ITFG1: variants seen among roughly 807,000 people sequenced by gnomAD.
The protein encoded by ITFG1 is integrin alpha FG-GAP repeat containing 1, also known as T-cell immunomodulatory protein.
ITFG1 carries 34 observed loss-of-function variants against 81.8 expected under a neutral mutation model. That is an observed-to-expected ratio of 0.42 (90% CI 0.32 to 0.55). ITFG1 has a LOEUF of 0.55. ITFG1 is among the 20% of genes least tolerant of loss of function. The pLI, the probability that ITFG1 is intolerant of heterozygous loss-of-function variation, is 0.17. For missense variants in ITFG1, 672 were observed against 755.4 expected (o/e 0.89, Z 1.29); for synonymous variants, 285 against 270.6 (o/e 1.05, Z -0.52).
At chr16:47,396,877 G>A (rs757654657) in intron 6 of ITFG1, among the ~76,000 whole-genome samples, 1 of 152,114 alleles carries the variant, frequency 6.6e-6, no homozygotes, top group Non-Finnish European at 1.5e-5. Flanking sequence ...TGCAGGGAAC[G>A]AACTGAGCTG....
intron 6 of ITFG1, among the ~76,000 whole-genome samples, chr16:47,376,397 TA>T (rs1319019155): frequency 6.3e-4 from 96 of 152,350 alleles, no homozygotes; most frequent in African/African-American, 2.3e-3. Context: ...GTTAAATGAA[TA>T]AATTATGTTT....
At chr16:47,419,050 A>G (rs1226723495) in intron 6 of ITFG1, among the ~76,000 whole-genome samples, 1 of 152,228 alleles carries the variant, frequency 6.6e-6, no homozygotes, top group Non-Finnish European at 1.5e-5. Flanking sequence ...TTAATCTACT[A>G]ACATGCATAT....
At chr16:47,204,083 C>T (rs925815212) in intron 14 of ITFG1, among the ~76,000 whole-genome samples, 2 of 152,068 alleles carry the variant, frequency 1.3e-5, no homozygotes, top group African/African-American at 4.8e-5. Flanking sequence ...AAGTCCCCAC[C>T]CCTGCCAAAT....
intron 8 of ITFG1, among the ~76,000 whole-genome samples, chr16:47,315,799 AT>A (rs889076465): frequency 1.3e-5 from 2 of 150,306 alleles, no homozygotes; most frequent in Non-Finnish European, 1.5e-5. Context: ...ATAATTTATT[AT>A]TTTTTTTTGA....
At position 47,259,788 on chromosome 16, in the gene ITFG1, C is replaced by A. The variant is rs568189281; in HGVS notation, c.1221+757G>T. Among the ~76,000 whole-genome samples the A allele has an allele frequency of 5.9e-5, 9 of 152,178 alleles. 1 individual carries two copies. Among genetic ancestry groups the A allele is most frequent in the African/African-American group, 2.2e-4 (9 of 41,518 alleles). Reference sequence around the variant, plus strand: ...AAAGGGGAAAACTGGAACCTTAAAGCCTTTCATAAGGTCACCTGGCAATCA... The same window carrying A: ...AAAGGGGAAAACTGGAACCTTAAAGACTTTCATAAGGTCACCTGGCAATCA... On this transcript the variant is annotated intron_variant, in intron 11 of 17. Transcript: ENST00000320640.
In ITFG1 at chr16:47,429,020, C is replaced by T. The variant is rs1055069222; in HGVS notation, c.561-122G>A. 6.3e-6 allele frequency: 4 copies of T among 630,758 alleles called. No individual in the cohort carries two copies. The East Asian group carries it at 1.1e-4, about 18-fold the overall frequency. The allele number at this position is 630,758 out of a possible 1,614,324, so 39.1% of individuals were successfully genotyped here. A position where few individuals can be genotyped will look rare whatever the true frequency, so the allele number is the denominator to read the frequency against. On this transcript the variant is annotated intron_variant, in intron 5 of 17. Transcript: ENST00000320640. ...TATTTTCATTGATATATTCAACATA[C>T]AATTCATTCTCTTAAAGTGCAGTGA... is the stretch of plus-strand genomic sequence containing the variant.
At chr16:47,251,813 A>G (rs903633848) in intron 12 of ITFG1, among the ~76,000 whole-genome samples, 1 of 152,248 alleles carries the variant, frequency 6.6e-6, no homozygotes, top group Non-Finnish European at 1.5e-5. Flanking sequence ...GAACAATTGT[A>G]ACAATAAACT....
At chr16:47,240,942 T>C (rs1023783560) in intron 12 of ITFG1, among the ~76,000 whole-genome samples, 1 of 152,114 alleles carries the variant, frequency 6.6e-6, no homozygotes, top group Non-Finnish European at 1.5e-5. Context: ...GAAGAAAAAG[T>C]TCTGGAGATG....
chr16:47,405,318 T>C (rs1968714618), intron 6 of ITFG1, among the ~76,000 whole-genome samples: 1 of 152,186 alleles, frequency 6.6e-6, no homozygotes, highest in South Asian at 2.1e-4. Context: ...TCTAAGTATT[T>C]AAAGTGAGCA....
chr16:47,418,418 TTTTGTTTG>T (rs539789856), intron 6 of ITFG1, among the ~76,000 whole-genome samples: 1 of 152,116 alleles, frequency 6.6e-6, no homozygotes, highest in Non-Finnish European at 1.5e-5. Context: ...TTTGAAATTT[TTTTGTTTG>T]TTTGTTTGTT....
intron 6 of ITFG1, among the ~76,000 whole-genome samples, chr16:47,422,398 TTTTA>T (rs1431035927): frequency 6.6e-6 from 1 of 152,228 alleles, no homozygotes; most frequent in Non-Finnish European, 1.5e-5. Flanking sequence ...TTTGCCAGTA[TTTTA>T]TTGAGGATTT....
In ITFG1 at chr16:47,351,149, A is replaced by C. The variant is rs1297578815; in HGVS notation, c.802+14639T>G. On this transcript the variant is annotated intron_variant, in intron 8 of 17. Coordinates refer to ENST00000320640, the MANE Select transcript of ITFG1 (RefSeq NM_030790.5). ...GGAAGCATTCCCTTTGAAAACTGGCACAAGACAGGGATGCCCTCTCTCACC... is the reference window on the plus strand; with the variant it reads ...GGAAGCATTCCCTTTGAAAACTGGCCCAAGACAGGGATGCCCTCTCTCACC... 3.3e-5 allele frequency among the ~76,000 whole-genome samples: 5 copies of C among 152,338 alleles called. 1 individual carries two copies. Among genetic ancestry groups the C allele is most frequent in the Admixed American group, 6.5e-5 (1 of 15,304 alleles).
intron 8 of ITFG1, among the ~76,000 whole-genome samples, chr16:47,315,817 G>C (rs1323650239): frequency 7.1e-6 from 1 of 141,318 alleles, no homozygotes; most frequent in Non-Finnish European, 1.5e-5. Flanking sequence ...TTGAGGCAGA[G>C]TCTTGCTCTG....
intron 12 of ITFG1, among the ~76,000 whole-genome samples, chr16:47,254,548 T>C (rs879145207): frequency 1.3e-5 from 2 of 152,176 alleles, no homozygotes; most frequent in Admixed American, 1.3e-4. Flanking sequence ...CAGGCCCTCA[T>C]GCTAGTCAGC....
chr16:47,267,616 A>T (rs1387784743), intron 10 of ITFG1, among the ~76,000 whole-genome samples: 1 of 152,192 alleles, frequency 6.6e-6, no homozygotes, highest in East Asian at 1.9e-4. Flanking sequence ...TAATCTTTTG[A>T]CGTAACATGA....
chr16:47,179,644 A>T (rs1175403403), intron 14 of ITFG1, among the ~76,000 whole-genome samples: 2 of 152,168 alleles, frequency 1.3e-5, no homozygotes, highest in Non-Finnish European at 2.9e-5. Flanking sequence ...TTATTTAAAA[A>T]AAAAGAAATA....
intron 5 of ITFG1, among the ~76,000 whole-genome samples, chr16:47,433,687 G>C (rs1052063875): frequency 8.6e-5 from 13 of 150,374 alleles, no homozygotes; most frequent in Non-Finnish European, 1.6e-4. Context: ...TCTATTTACT[G>C]TTCTGATGTT....
chr16:47,405,146 T>TA lies in ITFG1; in HGVS notation c.655+23657dup, dbSNP rs796769359. On this transcript the variant is annotated intron_variant, in intron 6 of 17. Transcript: ENST00000320640. ...ATTTTGATATACTCCCTATATCATT[T>TA]AAAAAAACTCCATAAAACAAAAACC... Among the ~76,000 whole-genome samples, 130 of 152,256 alleles carry TA rather than the reference T, an allele frequency of 8.5e-4. 1 individual carries two copies. The highest frequency in any genetic ancestry group is 3.0e-3 in the African/African-American group (124 of 41,558).
intron 14 of ITFG1, among the ~76,000 whole-genome samples, chr16:47,216,763 G>A (rs1244192989): frequency 4.0e-5 from 6 of 151,836 alleles, no homozygotes; most frequent in African/African-American, 1.2e-4. Flanking sequence ...CCAGGTCCAA[G>A]TGATTCTCAT....
Sources: allele counts gnomAD v4.1 joint callset (sites outside exome capture counted in the v4.1 genomes callset), GRCh38; gene constraint gnomAD v4.1.1; transcripts MANE v1.5; gene names NCBI Gene and HGNC (gene_info 2026-07-23, HGNC 2026-07-21).